SMOC2: variants seen among roughly 807,000 people sequenced by gnomAD.
The protein encoded by SMOC2 is SPARC-related modular calcium-binding protein 2.
In SMOC2, 39 loss-of-function variants were observed where a neutral mutation model predicts 61.4. The observed-to-expected ratio is 0.64, with a 90% CI of 0.49 to 0.83. The LOEUF (loss-of-function observed/expected upper bound fraction) is 0.83, where lower values mean the gene tolerates loss of function less well. Among genes scored for constraint, SMOC2 ranks in the 40% least tolerant of loss-of-function variants. The pLI, the probability that SMOC2 is intolerant of heterozygous loss-of-function variation, is 0.00. For missense variants in SMOC2, 556 were observed against 592.9 expected, an observed-to-expected ratio of 0.94 and a Z score of 0.65; for synonymous variants, 247 against 239.9, an observed-to-expected ratio of 1.03 and a Z score of -0.27.
chr6:168,531,904 C>T (rs1783611740), intron 4 of SMOC2, among the ~76,000 whole-genome samples: 1 of 152,008 alleles, frequency 6.6e-6, no homozygotes. Flanking sequence ...GGCTGGAAGT[C>T]GGGCGTAGGA....
rs148001174 is a variant in SMOC2, at chr6:168,526,374, G to A, written c.285G>A (p.Lys95=). 1.6e-3 allele frequency: 2,560 copies of A among 1,614,256 alleles called. 48 individuals carry two copies. In the South Asian group the frequency reaches 0.025, roughly 16 times the overall value. Residue 95 remains lysine, a synonymous_variant, in exon 3 of 13, where the codon AAG becomes AAA. Coordinates refer to ENST00000356284, the MANE Select transcript of SMOC2 (RefSeq NM_001166412.2). ...KDVSRCVAER[K]YTQEQARKEF... is the part of the protein sequence containing the mutation. ...TGTCCAGGTGTGTGGCCGAAAGGAA[G>A]TATACCCAGGAGCAAGCCCGGAAGG... is the stretch of plus-strand genomic sequence containing the variant.
At position 168,453,314 on chromosome 6, in the gene SMOC2, A is replaced by G. The variant is rs1228551034; in HGVS notation, c.84+11860A>G. Among the ~76,000 whole-genome samples the G allele has an allele frequency of 6.6e-6, 1 of 152,086 alleles. No homozygotes were observed. Among genetic ancestry groups the G allele is most frequent in the Non-Finnish European group, 1.5e-5 (1 of 67,990 alleles). On this transcript the variant is annotated intron_variant, in intron 1 of 12. Transcript: ENST00000356284. This position sits in a 1 kb window ranked among gnomAD's most constrained non-coding sequence, Gnocchi z 4.4. Reference sequence around the variant, plus strand: ...GGCTCCGTCACCCTGCGGCCCTGTCATTTCGGGCTGTGCCTTTGTCTCCGG... The same window carrying G: ...GGCTCCGTCACCCTGCGGCCCTGTCGTTTCGGGCTGTGCCTTTGTCTCCGG...
chr6:168,660,360 C>T (rs922942736), intron 11 of SMOC2, among the ~76,000 whole-genome samples: 1 of 152,206 alleles, frequency 6.6e-6, no homozygotes, highest in Admixed American at 6.5e-5. Flanking sequence ...GTCCGCATTG[C>T]TCTCTGCTAA....
At chr6:168,660,972 A>G (rs1787494461) in intron 11 of SMOC2, among the ~76,000 whole-genome samples, 1 of 152,224 alleles carries the variant, frequency 6.6e-6, no homozygotes, top group Non-Finnish European at 1.5e-5. Context: ...TCTTCTTAGT[A>G]ATCAAGAAGA....
In SMOC2 at chr6:168,535,905, A is replaced by C. The variant is rs1319094545; in HGVS notation, c.464-7720A>C. Reference sequence around the variant, plus strand: ...CCGGGGGAAGATGGGAGGGAGACGCATGAGCAGTGACAGGGATCCTGGGGA... The same window carrying C: ...CCGGGGGAAGATGGGAGGGAGACGCCTGAGCAGTGACAGGGATCCTGGGGA... On this transcript the variant is annotated intron_variant, in intron 4 of 12. Transcript: ENST00000356284. This position sits in a 1 kb window ranked among gnomAD's most constrained non-coding sequence, Gnocchi z 4.6. Among the ~76,000 whole-genome samples the C allele has an allele frequency of 1.3e-5, 2 of 152,348 alleles. No homozygotes were observed. Among genetic ancestry groups the C allele is most frequent in the East Asian group, 1.9e-4 (1 of 5,180 alleles).
intron 7 of SMOC2, among the ~76,000 whole-genome samples, chr6:168,571,623 A>G (rs538859475): frequency 1.4e-4 from 21 of 152,274 alleles, no homozygotes; most frequent in African/African-American, 4.3e-4. Context: ...TACTGTGTGT[A>G]GTATTTTGGT....
intron 2 of SMOC2, among the ~76,000 whole-genome samples, chr6:168,515,351 A>G (rs1583070858): frequency 6.6e-6 from 1 of 152,310 alleles, no homozygotes; most frequent in East Asian, 1.9e-4. Flanking sequence ...GTCTGCGGAG[A>G]GACTGTTCCC....
At chr6:168,606,478 T>C (rs906277606) in intron 8 of SMOC2, among the ~76,000 whole-genome samples, 3 of 152,224 alleles carry the variant, frequency 2.0e-5, no homozygotes, top group African/African-American at 7.2e-5. Flanking sequence ...CTGACTCTTA[T>C]GACAGCTGGA....
At chr6:168,461,956 G>A (rs1178827030) in intron 1 of SMOC2, among the ~76,000 whole-genome samples, 2 of 152,302 alleles carry the variant, frequency 1.3e-5, no homozygotes, top group South Asian at 2.1e-4. Context: ...GTCTTAGCCC[G>A]TCTGACTGTC....
chr6:168,609,754 C>T (rs553304095), intron 9 of SMOC2, among the ~76,000 whole-genome samples: 4 of 152,334 alleles, frequency 2.6e-5, no homozygotes, highest in East Asian at 1.9e-4. Flanking sequence ...GACCTTGTCA[C>T]GTGCACTTCA....
In SMOC2 at chr6:168,665,391, C is replaced by T. The variant is rs114404043; in HGVS notation, c.1324-1030C>T. Among the ~76,000 whole-genome samples the T allele has an allele frequency of 7.7e-3, 1,177 of 152,362 alleles. 9 individuals carry two copies. Among genetic ancestry groups the T allele is most frequent in the African/African-American group, 0.027 (1,140 of 41,588 alleles). On this transcript the variant is annotated intron_variant, in intron 12 of 12. Transcript: ENST00000356284. Reference sequence around the variant, plus strand: ...CCTAACGGGCAAGCCAGCTGCGGCTCCTACCGGCCGTGGCCATTGAAGGCC... The same window carrying T: ...CCTAACGGGCAAGCCAGCTGCGGCTTCTACCGGCCGTGGCCATTGAAGGCC...
At chr6:168,659,916 T>TTGGAGGTTGTAGGCTGGGTGAGGG (rs1787459524) in intron 11 of SMOC2, among the ~76,000 whole-genome samples, 3 of 70,378 alleles carry the variant, frequency 4.3e-5, no homozygotes, top group Admixed American at 1.4e-4. Context: ...TTGGGTGAGG[T>TTGGAGGTTGTAGGCTGGGTGAGGG]TGGAGGTTGT....
chr6:168,644,913 G>A (rs1023060084), intron 9 of SMOC2, among the ~76,000 whole-genome samples: 6 of 152,130 alleles, frequency 3.9e-5, no homozygotes, highest in Non-Finnish European at 8.8e-5. Flanking sequence ...GCCTCCCAAA[G>A]TGCTGGGATT....
intron 1 of SMOC2, among the ~76,000 whole-genome samples, chr6:168,470,372 C>T (rs575098646): frequency 6.6e-6 from 1 of 152,218 alleles, no homozygotes; most frequent in East Asian, 1.9e-4. Flanking sequence ...TTAAAAAACC[C>T]AATTTTTAAA....
intron 4 of SMOC2, among the ~76,000 whole-genome samples, chr6:168,532,851 C>G (rs979882936): frequency 6.6e-6 from 1 of 152,208 alleles, no homozygotes; most frequent in African/African-American, 2.4e-5. Context: ...AGGCCTCATA[C>G]ACTGCAGCCA....
intron 7 of SMOC2, among the ~76,000 whole-genome samples, chr6:168,555,063 A>G (rs1406558241): frequency 1.3e-5 from 2 of 152,248 alleles, no homozygotes; most frequent in Admixed American, 6.5e-5. Flanking sequence ...TGGTCCCAGC[A>G]TCTGCACAGC....
rs1245663867 is a variant in SMOC2, at chr6:168,625,716, C to A, written c.907+17477C>A. Among the ~76,000 whole-genome samples, 6 of 152,186 alleles carry A rather than the reference C, an allele frequency of 3.9e-5. No individual in the cohort carries two copies. The East Asian group carries it at 1.2e-3, about 29-fold the overall frequency. The stretch of plus-strand genomic sequence containing the variant: ...AGCCAAGTGCCTGTGTCCGTGTGAG[C>A]CCTGGGCCCCAGGAGCAAATGAAAG... On this transcript the variant is annotated intron_variant, in intron 9 of 12. Transcript: ENST00000356284.
In SMOC2 at chr6:168,475,283, T is replaced by A. The variant is rs1257250557; in HGVS notation, c.84+33829T>A. Among the ~76,000 whole-genome samples the A allele has an allele frequency of 2.0e-5, 3 of 152,098 alleles. No homozygotes were observed. The East Asian group carries it at 5.8e-4, about 29-fold the overall frequency. ...GCTTGGATAGTCCTGGCATGTTTGA[T>A]GGATGTCACATTTCAATGCCTTTCC... is the stretch of plus-strand genomic sequence containing the variant. On this transcript the variant is annotated intron_variant, in intron 1 of 12. Coordinates refer to ENST00000356284, the MANE Select transcript of SMOC2 (RefSeq NM_001166412.2). The surrounding 1 kb of genome is among the most constrained non-coding windows in gnomAD (Gnocchi z 4.6).
At chr6:168,442,626 G>T (rs1260647016) in intron 1 of SMOC2, among the ~76,000 whole-genome samples, 2 of 152,350 alleles carry the variant, frequency 1.3e-5, no homozygotes, top group East Asian at 3.9e-4. Context: ...GGTGTTTATT[G>T]TATTGAAAAT....
Sources: gnomAD v4.1 joint callset for allele counts (sites outside exome capture counted in the v4.1 genomes callset) on GRCh38, gnomAD v4.1.1 for gene constraint, Gnocchi (gnomAD v3.1) non-coding constraint, MANE v1.5 for transcripts, NCBI Gene and HGNC (gene_info 2026-07-23, HGNC 2026-07-21) for gene names.